The following FAT3 variants were observed in gnomAD, a reference collection of about 807,000 sequenced individuals.
FAT3 encodes protocadherin Fat 3.
FAT3 carries 95 observed loss-of-function variants against 310.2 expected under a neutral mutation model. The observed-to-expected ratio is 0.31, with a 90% CI of 0.26 to 0.36. The LOEUF (loss-of-function observed/expected upper bound fraction) is 0.36. FAT3 is among the 10% of genes least tolerant of loss of function. The probability of loss-of-function intolerance (pLI) is 1.00; values close to 1 mark genes in which losing one functional copy is unlikely to be tolerated. For synonymous variants in FAT3, 2,314 were observed against 2,192.9 expected, an observed-to-expected ratio of 1.06 and a Z score of -1.54; for missense variants, 5,408 against 5,715.6, an observed-to-expected ratio of 0.95 and a Z score of 1.74.
At chr11:92,618,838 T>C (rs1940945604) in intron 3 of FAT3, among the ~76,000 whole-genome samples, 1 of 152,186 alleles carries the variant, frequency 6.6e-6, no homozygotes, top group Admixed American at 6.5e-5. Flanking sequence ...TTTTTTTCTT[T>C]TTCTTATTTA....
intron 2 of FAT3, among the ~76,000 whole-genome samples, chr11:92,459,597 GT>G (rs1951584920): frequency 1.3e-5 from 2 of 152,304 alleles, no homozygotes; most frequent in African/African-American, 4.8e-5. Flanking sequence ...AAGAAGAGGT[GT>G]TTGGAAGTAT....
intron 3 of FAT3, among the ~76,000 whole-genome samples, chr11:92,625,388 T>A (rs1417344158): frequency 6.6e-6 from 1 of 152,144 alleles, no homozygotes; most frequent in African/African-American, 2.4e-5. Flanking sequence ...TCAGATCCTA[T>A]AGCCTGGAAG....
intron 7 of FAT3, among the ~76,000 whole-genome samples, chr11:92,788,955 G>T (rs1192300679): frequency 6.6e-6 from 1 of 152,110 alleles, no homozygotes; most frequent in Non-Finnish European, 1.5e-5. Flanking sequence ...TTAACCAAAT[G>T]CAATGTTTGG....
At chr11:92,426,951 A>G (rs1321147885) in intron 2 of FAT3, among the ~76,000 whole-genome samples, 1 of 152,138 alleles carries the variant, frequency 6.6e-6, no homozygotes, top group Non-Finnish European at 1.5e-5. Flanking sequence ...CATTGAACCT[A>G]TAAATCACTT....
intron 1 of FAT3, among the ~76,000 whole-genome samples, chr11:92,266,713 C>T (rs1201717974): frequency 6.6e-6 from 1 of 152,108 alleles, no homozygotes; most frequent in African/African-American, 2.4e-5. Context: ...ATTGCAGAGA[C>T]TAATTCCTTG....
intron 2 of FAT3, among the ~76,000 whole-genome samples, chr11:92,490,855 A>G (rs1377687718): frequency 1.3e-5 from 2 of 152,094 alleles, no homozygotes; most frequent in African/African-American, 4.8e-5. Context: ...TATATATTTC[A>G]TTTAATCCAG....
chr11:92,392,267 C>T (rs780564952), intron 2 of FAT3, among the ~76,000 whole-genome samples: 2 of 152,084 alleles, frequency 1.3e-5, no homozygotes, highest in African/African-American at 2.4e-5. Context: ...GTTCTTGTTA[C>T]TAGTATTACA....
chr11:92,892,903 A>G lies in FAT3; in HGVS notation c.*1790A>G, dbSNP rs1445576293. On this transcript the variant is annotated 3_prime_UTR_variant, in exon 28 of 28. Transcript: ENST00000525166. ...ATCCAGTCCTCAAAACTGAAAGTTG[A>G]CAGGTTGAGGGACTTTCCTTTTTTG... 6.6e-6 allele frequency: 1 copy of G among 152,176 alleles called. No individual in the cohort carries two copies. The highest frequency in any genetic ancestry group is 1.5e-5 in the Non-Finnish European group (1 of 68,048). The allele number at this position is 152,176 out of a possible 1,614,324, so 9.4% of individuals were successfully genotyped here.
At chr11:92,744,896 A>G (rs1291157155) in intron 4 of FAT3, among the ~76,000 whole-genome samples, 1 of 152,234 alleles carries the variant, frequency 6.6e-6, no homozygotes, top group Non-Finnish European at 1.5e-5. Flanking sequence ...TCATATATTT[A>G]GGTAGGCAAG....
At chr11:92,369,214 C>T (rs866027426) in intron 2 of FAT3, among the ~76,000 whole-genome samples, 2 of 152,232 alleles carry the variant, frequency 1.3e-5, no homozygotes, top group South Asian at 4.2e-4. Context: ...TTGTTAGGAT[C>T]CTCCCTGGGG....
At chr11:92,530,537 C>A (rs1954031065) in intron 3 of FAT3, among the ~76,000 whole-genome samples, 1 of 152,058 alleles carries the variant, frequency 6.6e-6, no homozygotes, top group Non-Finnish European at 1.5e-5. Context: ...AAAATCCTGT[C>A]TCTAACTATC....
chr11:92,842,357 G>A (rs1948574870), intron 18 of FAT3, among the ~76,000 whole-genome samples: 1 of 152,142 alleles, frequency 6.6e-6, no homozygotes, highest in Non-Finnish European at 1.5e-5. Context: ...CTTATACCCA[G>A]CAGCTTCATG....
chr11:92,876,882 A>T (rs931504033), intron 22 of FAT3, among the ~76,000 whole-genome samples: 1 of 152,200 alleles, frequency 6.6e-6, no homozygotes, highest in African/African-American at 2.4e-5. Context: ...AACATCAGTC[A>T]CTGACAAATT....
At position 92,882,768 on chromosome 11, in the gene FAT3, A is replaced by G. The variant is rs1811895104; in HGVS notation, c.12312A>G (p.Arg4104=). 6.2e-7 allele frequency: 1 copy of G among 1,610,820 alleles called. No homozygotes were observed. ...TCEEDINECE[R]EECENGGSCV... is the part of the protein sequence containing the mutation. Reference sequence around the variant, plus strand: ...AGGAGGACATCAATGAGTGCGAACGAGAGGAGTGTGAGAACGGAGGCTCCT... The same window carrying G: ...AGGAGGACATCAATGAGTGCGAACGGGAGGAGTGTGAGAACGGAGGCTCCT... The change falls in exon 24 of 28, where the codon CGA becomes CGG. Residue 4104 remains arginine (R), a synonymous_variant. Transcript: ENST00000525166.
chr11:92,488,545 T>G (rs1952504571), intron 2 of FAT3, among the ~76,000 whole-genome samples: 1 of 140,738 alleles, frequency 7.1e-6, no homozygotes, highest in Admixed American at 7.9e-5. Flanking sequence ...AGGTCAGTGA[T>G]GCTACTGGTC....
At chr11:92,453,424 TAGA>T (rs1304436518) in intron 2 of FAT3, among the ~76,000 whole-genome samples, 1 of 152,080 alleles carries the variant, frequency 6.6e-6, no homozygotes, top group Non-Finnish European at 1.5e-5. Context: ...TGGCCCCAAA[TAGA>T]AGATTTTTTT....
At chr11:92,625,555 G>A (rs548668263) in intron 3 of FAT3, among the ~76,000 whole-genome samples, 2 of 152,116 alleles carry the variant, frequency 1.3e-5, no homozygotes, top group Non-Finnish European at 2.9e-5. Context: ...AGCTCACACC[G>A]ATGGCCCAGA....
At chr11:92,340,483 C>T (rs1948220847) in intron 1 of FAT3, among the ~76,000 whole-genome samples, 1 of 152,212 alleles carries the variant, frequency 6.6e-6, no homozygotes, top group African/African-American at 2.4e-5. Context: ...CATATGCATT[C>T]ATGTTCTGTT....
chr11:92,715,437 AAATT>A (rs538631509), intron 4 of FAT3, among the ~76,000 whole-genome samples: 26 of 151,914 alleles, frequency 1.7e-4, no homozygotes, highest in Admixed American at 6.6e-4. Flanking sequence ...TAAAAATAAA[AAATT>A]AATTAATTAA....
Sources: allele counts gnomAD v4.1 joint callset (sites outside exome capture counted in the v4.1 genomes callset), GRCh38; gene constraint gnomAD v4.1.1; transcripts MANE v1.5; gene names NCBI Gene and HGNC (gene_info 2026-07-23, HGNC 2026-07-21).